The following AGBL4 variants were observed in gnomAD, a reference collection of about 807,000 sequenced individuals.
AGBL4 encodes AGBL carboxypeptidase 4, also known as cytosolic carboxypeptidase 6.
Under a neutral mutation model 66.4 loss-of-function variants are expected in AGBL4, and 58 were observed. The observed-to-expected ratio is 0.87, with a 90% CI of 0.71 to 1.09. AGBL4 has a LOEUF of 1.09. Among genes scored for constraint, AGBL4 ranks in the 50% least tolerant of loss-of-function variants. The pLI, the probability that AGBL4 is intolerant of heterozygous loss-of-function variation, is 0.00. For synonymous variants in AGBL4, 234 were observed against 222.9 expected (o/e 1.05, Z -0.44); for missense variants, 579 against 631.0 (o/e 0.92, Z 0.88).
chr1:49,509,259 G>GA (rs1270290771), intron 3 of AGBL4, among the ~76,000 whole-genome samples: 2 of 151,780 alleles, frequency 1.3e-5, no homozygotes, highest in African/African-American at 4.8e-5. Context: ...AAAGAGATAG[G>GA]AAAGTGTATG....
chr1:49,462,931 T>C (rs1297995897), intron 3 of AGBL4, among the ~76,000 whole-genome samples: 2 of 151,690 alleles, frequency 1.3e-5, no homozygotes, highest in Non-Finnish European at 3.0e-5. Flanking sequence ...CTAGGTAAAA[T>C]AAAGACTAGG....
At chr1:49,666,547 C>A (rs1173608574) in intron 3 of AGBL4, among the ~76,000 whole-genome samples, 2 of 151,686 alleles carry the variant, frequency 1.3e-5, no homozygotes, top group Non-Finnish European at 2.9e-5. Flanking sequence ...ACCTGGAAGA[C>A]AGAGTGAGAC....
intron 6 of AGBL4, chr1:48,759,441 A>G: frequency 7.8e-7 from 1 of 1,289,106 alleles, no homozygotes; most frequent in Non-Finnish European, 1.0e-6. Context: ...CCTTCATTTT[A>G]TAAATGGGGA....
At chr1:49,862,807 A>G (rs1314582749) in intron 1 of AGBL4, among the ~76,000 whole-genome samples, 1 of 152,172 alleles carries the variant, frequency 6.6e-6, no homozygotes, top group African/African-American at 2.4e-5. Context: ...ATACCCTTCA[A>G]ATATGGAGGA....
intron 3 of AGBL4, among the ~76,000 whole-genome samples, chr1:49,302,599 TA>T (rs1644768178): frequency 1.5e-5 from 2 of 129,594 alleles, no homozygotes; most frequent in South Asian, 4.9e-4. Flanking sequence ...TTTTATATTT[TA>T]TTTTATTTTT....
At chr1:48,825,346 A>G (rs1646405194) in intron 6 of AGBL4, among the ~76,000 whole-genome samples, 1 of 152,186 alleles carries the variant, frequency 6.6e-6, no homozygotes, top group South Asian at 2.1e-4. Flanking sequence ...TCCTGATGGT[A>G]TCAGAGGTCT....
intron 1 of AGBL4, among the ~76,000 whole-genome samples, chr1:49,858,538 T>C (rs1646488697): frequency 6.6e-6 from 1 of 151,886 alleles, no homozygotes; most frequent in South Asian, 2.1e-4. Flanking sequence ...AGAAAAAGGA[T>C]TGAAGGGACC....
At chr1:49,122,360 T>C (rs1291457561) in intron 4 of AGBL4, among the ~76,000 whole-genome samples, 1 of 152,182 alleles carries the variant, frequency 6.6e-6, no homozygotes, top group East Asian at 1.9e-4. Flanking sequence ...CCCACATTTT[T>C]TTTTCTTAGT....
At chr1:49,609,722 A>G (rs1386365327) in intron 3 of AGBL4, among the ~76,000 whole-genome samples, 1 of 152,108 alleles carries the variant, frequency 6.6e-6, no homozygotes, top group Non-Finnish European at 1.5e-5. Flanking sequence ...ATAGTACCCA[A>G]TAGGTAGCTG....
intron 1 of AGBL4, among the ~76,000 whole-genome samples, chr1:49,927,306 C>T (rs1652875504): frequency 6.6e-6 from 1 of 152,132 alleles, no homozygotes; most frequent in African/African-American, 2.4e-5. Flanking sequence ...AGAAGAAATA[C>T]CTGAGATTAG....
rs544688745 is a variant in AGBL4 at position 49,838,505 on chromosome 1, A to G, written c.157+12891T>C. Among the ~76,000 whole-genome samples, 15 of 152,350 alleles carry G rather than the reference A, an allele frequency of 9.8e-5. No homozygotes were observed. The South Asian group carries it at 2.9e-3, about 29-fold the overall frequency. ...AATGGAATTAATTGCAAATAGTCAA[A>G]TGACCTGCACAAGATATTCCTAAAC... On this transcript the variant is annotated intron_variant, in intron 2 of 13. Coordinates refer to ENST00000371839, the MANE Select transcript of AGBL4 (RefSeq NM_032785.4).
At chr1:49,130,468 T>G (rs1645867048) in intron 4 of AGBL4, among the ~76,000 whole-genome samples, 1 of 152,240 alleles carries the variant, frequency 6.6e-6, no homozygotes, top group African/African-American at 2.4e-5. Context: ...AAGTCTTTAA[T>G]CCATCTTGAA....
intron 1 of AGBL4, among the ~76,000 whole-genome samples, chr1:49,900,625 G>A (rs1032802953): frequency 1.3e-5 from 2 of 152,114 alleles, no homozygotes; most frequent in African/African-American, 4.8e-5. Context: ...CTGAGATGAA[G>A]CAAATATCAC....
intron 5 of AGBL4, among the ~76,000 whole-genome samples, chr1:49,043,747 A>G (rs1318182018): frequency 1.3e-5 from 2 of 152,200 alleles, no homozygotes; most frequent in African/African-American, 4.8e-5. Flanking sequence ...GAGTAGAGAA[A>G]AGATATTTAG....
At chr1:48,687,251 C>T (rs558863191) in intron 6 of AGBL4, among the ~76,000 whole-genome samples, 22 of 152,272 alleles carry the variant, frequency 1.4e-4, no homozygotes, top group Admixed American at 1.4e-3. Context: ...AGAGAAAGGG[C>T]TGGGAGGCAA....
intron 12 of AGBL4, among the ~76,000 whole-genome samples, chr1:48,535,792 G>C (rs905751345): frequency 1.3e-5 from 2 of 152,080 alleles, no homozygotes; most frequent in African/African-American, 4.8e-5. Flanking sequence ...ATACTTGCCA[G>C]ATTTGGTAGG....
chr1:48,992,976 T>TA (rs1199079344), intron 5 of AGBL4, among the ~76,000 whole-genome samples: 1 of 152,060 alleles, frequency 6.6e-6, no homozygotes, highest in Non-Finnish European at 1.5e-5. Context: ...TCTCTACCCT[T>TA]ATGTGGCCCA....
At chr1:49,460,089 C>T (rs1476927464) in intron 3 of AGBL4, among the ~76,000 whole-genome samples, 3 of 151,610 alleles carry the variant, frequency 2.0e-5, no homozygotes, top group Non-Finnish European at 4.4e-5. Context: ...GTGTATTCTG[C>T]ACTTGTTAGG....
intron 3 of AGBL4, among the ~76,000 whole-genome samples, chr1:49,662,859 T>A (rs955264953): frequency 6.6e-6 from 1 of 152,026 alleles, no homozygotes; most frequent in African/African-American, 2.4e-5. Context: ...GAAAAGCACA[T>A]AAGATCAAAA....
Sources: allele counts gnomAD v4.1 joint callset (sites outside exome capture counted in the v4.1 genomes callset), GRCh38; gene constraint gnomAD v4.1.1; transcripts MANE v1.5; gene names NCBI Gene and HGNC (gene_info 2026-07-23, HGNC 2026-07-21).